FOXP1: variants seen among roughly 807,000 people sequenced by gnomAD.
FOXP1 encodes the protein forkhead box P1, also known as forkhead box protein P1.
A neutral mutation model predicts 98.2 loss-of-function variants in FOXP1; 15 were observed. The observed-to-expected ratio is 0.15, with a 90% confidence interval of 0.10 to 0.24. The LOEUF is 0.24. Among genes scored for constraint, FOXP1 ranks in the 10% least tolerant of loss-of-function variants. FOXP1 has a pLI of 1.00. For synonymous variants in FOXP1, 371 were observed against 314.5 expected (o/e 1.18, Z -1.90); for missense variants, 633 against 848.5 (o/e 0.75, Z 3.15).
At chr3:71,349,109 T>C (rs1296667202) in intron 4 of FOXP1, among the ~76,000 whole-genome samples, 1 of 152,188 alleles carries the variant, frequency 6.6e-6, no homozygotes, top group Non-Finnish European at 1.5e-5. Context: ...TACACTAAAT[T>C]ATGCTTAAAT....
At chr3:71,249,172 G>A (rs1176225964) in intron 5 of FOXP1, among the ~76,000 whole-genome samples, 1 of 152,214 alleles carries the variant, frequency 6.6e-6, no homozygotes, top group Non-Finnish European at 1.5e-5. Context: ...AATATAGTAA[G>A]AATATTTAAG....
At chr3:71,098,693 G>C (rs981163207) in intron 7 of FOXP1, among the ~76,000 whole-genome samples, 3 of 152,154 alleles carry the variant, frequency 2.0e-5, no homozygotes, top group Non-Finnish European at 4.4e-5. Flanking sequence ...AAGTGTCTAT[G>C]CTTTATGTCA....
chr3:71,293,267 T>C (rs1180920913), intron 5 of FOXP1, among the ~76,000 whole-genome samples: 1 of 152,198 alleles, frequency 6.6e-6, no homozygotes, highest in Non-Finnish European at 1.5e-5. Flanking sequence ...GTTGGAATAT[T>C]TGTGCCTTTG....
At chr3:71,380,178 G>A (rs2080031983) in intron 3 of FOXP1, among the ~76,000 whole-genome samples, 1 of 152,190 alleles carries the variant, frequency 6.6e-6, no homozygotes, top group African/African-American at 2.4e-5. Context: ...ACTTCCAGAT[G>A]TAGCAATCTG....
intron 7 of FOXP1, among the ~76,000 whole-genome samples, chr3:71,069,424 T>C (rs1174536810): frequency 6.6e-6 from 1 of 152,218 alleles, no homozygotes; most frequent in African/African-American, 2.4e-5. Context: ...TTCCTAACTC[T>C]GCATTTGACA....
chr3:71,471,414 G>T (rs1401713896), intron 3 of FOXP1, among the ~76,000 whole-genome samples: 1 of 152,052 alleles, frequency 6.6e-6, no homozygotes, highest in Non-Finnish European at 1.5e-5. Flanking sequence ...GGAATATTAG[G>T]TCACACTTTT....
chr3:71,540,847 A>G (rs1375529781), intron 2 of FOXP1, among the ~76,000 whole-genome samples: 1 of 152,262 alleles, frequency 6.6e-6, no homozygotes, highest in African/African-American at 2.4e-5. Context: ...ATGGTGGTGA[A>G]TATGTTTAGT....
intron 2 of FOXP1, among the ~76,000 whole-genome samples, chr3:71,529,023 C>T (rs2107520801): frequency 6.6e-6 from 1 of 152,310 alleles, no homozygotes; most frequent in Admixed American, 6.5e-5. Context: ...AACTGGTGTA[C>T]TCTATCTATA....
At chr3:71,577,011 G>C (rs1219526194) in intron 2 of FOXP1, among the ~76,000 whole-genome samples, 5 of 152,172 alleles carry the variant, frequency 3.3e-5, no homozygotes, top group Non-Finnish European at 7.3e-5. Flanking sequence ...AAGCCTTGCA[G>C]AGACATCCAC....
At chr3:71,115,800 A>G in intron 6 of FOXP1, among the ~76,000 whole-genome samples, 1 of 147,678 alleles carries the variant, frequency 6.8e-6, no homozygotes, top group Admixed American at 6.9e-5. Context: ...GCAGTAGTGC[A>G]ACCTCGGTTC....
At chr3:71,211,920 T>C (rs1160094192) in intron 5 of FOXP1, among the ~76,000 whole-genome samples, 1 of 152,226 alleles carries the variant, frequency 6.6e-6, no homozygotes, top group Non-Finnish European at 1.5e-5. Flanking sequence ...GGAAACTTTG[T>C]ATCACTTCTT....
chr3:71,489,871 T>G (rs1180569860), intron 3 of FOXP1, among the ~76,000 whole-genome samples: 1 of 152,230 alleles, frequency 6.6e-6, no homozygotes, highest in African/African-American at 2.4e-5. Context: ...ATGGTTTCGT[T>G]TCCTTGTGTT....
chr3:71,146,846 C>T (rs1365941182), intron 6 of FOXP1, among the ~76,000 whole-genome samples: 1 of 152,172 alleles, frequency 6.6e-6, no homozygotes, highest in Non-Finnish European at 1.5e-5. Context: ...CTGGAGACTC[C>T]TCCTAGTCCC....
At chr3:71,368,193 C>T (rs1183068797) in intron 3 of FOXP1, among the ~76,000 whole-genome samples, 1 of 150,778 alleles carries the variant, frequency 6.6e-6, no homozygotes, top group South Asian at 2.1e-4. Flanking sequence ...GGTGTGATCT[C>T]GGCTCACTAC....
intron 6 of FOXP1, among the ~76,000 whole-genome samples, chr3:71,147,156 G>A (rs1026425074): frequency 6.6e-6 from 1 of 152,156 alleles, no homozygotes. Flanking sequence ...CACCAAGTAG[G>A]CACAATTTTC....
intron 2 of FOXP1, among the ~76,000 whole-genome samples, chr3:71,546,288 G>C (rs9816316): frequency 0.21 from 32,621 of 152,060 alleles, 3,682 homozygotes; most frequent in African/African-American, 0.25. Context: ...AAGCAGCCAA[G>C]GCTAAAGTTA....
At chr3:71,305,099 T>A (rs1335795353) in intron 4 of FOXP1, among the ~76,000 whole-genome samples, 1 of 152,158 alleles carries the variant, frequency 6.6e-6, no homozygotes, top group African/African-American at 2.4e-5. Context: ...GTACACTACA[T>A]GAATTTCTCT....
At chr3:71,113,513 GA>G (rs757173729) in intron 6 of FOXP1, among the ~76,000 whole-genome samples, 3 of 152,028 alleles carry the variant, frequency 2.0e-5, no homozygotes, top group Non-Finnish European at 4.4e-5. Context: ...AGGAGTTCGA[GA>G]ACAGCCTGGC....
intron 11 of FOXP1, 81 bp downstream of exon 11, chr3:71,041,247 A>G (rs1165907547): frequency 6.6e-6 from 7 of 1,053,918 alleles, no homozygotes; most frequent in South Asian, 1.3e-5. Flanking sequence ...ATTAGGGATC[A>G]CTGAGATATG....
Sources: allele counts gnomAD v4.1 joint callset (sites outside exome capture counted in the v4.1 genomes callset), GRCh38; gene constraint gnomAD v4.1.1; transcripts MANE v1.5; gene names NCBI Gene and HGNC (gene_info 2026-07-23, HGNC 2026-07-21).